ACAD11: variants seen among roughly 807,000 people sequenced by gnomAD.
ACAD11 encodes the protein acyl-Coenzyme A dehydrogenase family, member 11.
ACAD11 carries 83 observed loss-of-function variants against 102.2 expected under a neutral mutation model. The ratio of observed to expected loss-of-function variants is 0.81; its 90% CI spans 0.68 to 0.97. The LOEUF (loss-of-function observed/expected upper bound fraction) is 0.97. Ranked by LOEUF, ACAD11 falls within the 50% of genes least tolerant of loss-of-function variation. ACAD11 has a pLI of 0.00. For synonymous variants in ACAD11, 324 were observed against 319.8 expected (o/e 1.01, Z -0.14); for missense variants, 901 against 951.7 (o/e 0.95, Z 0.70).
chr3:132,615,427 A>G (rs1218687041), intron 11 of ACAD11, among the ~76,000 whole-genome samples: 1 of 152,206 alleles, frequency 6.6e-6, no homozygotes, highest in African/African-American at 2.4e-5. Context: ...ACCCAATCCA[A>G]ATGCCCATCA....
intron 5 of ACAD11, among the ~76,000 whole-genome samples, chr3:132,635,293 A>G (rs1940233357): frequency 2.0e-5 from 3 of 151,956 alleles, no homozygotes; most frequent in South Asian, 2.1e-4. Context: ...TCTGGCTACT[A>G]TGATTTCAAT....
intron 1 of ACAD11, among the ~76,000 whole-genome samples, chr3:132,653,713 C>T (rs1337907720): frequency 6.6e-6 from 1 of 152,174 alleles, no homozygotes; most frequent in Non-Finnish European, 1.5e-5. Context: ...TCCATTAATA[C>T]TACTTTTTCA....
Position 132,642,631 on chromosome 3 carries a change from A to C in ACAD11, c.375+46T>G, listed in dbSNP as rs376198759. The C allele has an allele frequency of 2.6e-6, 4 of 1,525,114 alleles. No homozygotes were observed. The African/African-American group carries it at 5.6e-5, about 21-fold the overall frequency. 94.5% of individuals were successfully genotyped at this position (1,525,114 alleles called of 1,614,324 possible). A position where few individuals can be genotyped will look rare whatever the true frequency, so the allele number is the denominator to read the frequency against. The stretch of plus-strand genomic sequence containing the variant: ...ATAATAAAACATCTTAATTAACTTC[A>C]TAATTAAAAGTAAAAGCAACAAAAT... On this transcript the variant is annotated intron_variant, in intron 3 of 19. Coordinates refer to ENST00000264990, the MANE Select transcript of ACAD11 (RefSeq NM_032169.5).
chr3:132,577,538 T>C (rs1168185683), intron 15 of ACAD11, among the ~76,000 whole-genome samples: 2 of 152,150 alleles, frequency 1.3e-5, no homozygotes, highest in African/African-American at 4.8e-5. Flanking sequence ...GACCTTCAGG[T>C]AGGTTTACTC....
At position 132,609,026 on chromosome 3, in the gene ACAD11, T is replaced by C. The variant is rs566075984; in HGVS notation, c.1415-3821A>G. On this transcript the variant is annotated intron_variant, in intron 11 of 19. Transcript: ENST00000264990. ...ACATCTATATGATAACTGAACAACC[T>C]GCTCCTGAATGACTACTGGGTAAAT... is the stretch of plus-strand genomic sequence containing the variant. Among the ~76,000 whole-genome samples, 7 of 152,282 alleles carry C rather than the reference T, an allele frequency of 4.6e-5. No homozygotes were observed. In the South Asian group the frequency reaches 1.4e-3, roughly 32 times the overall value.
intron 4 of ACAD11, among the ~76,000 whole-genome samples, chr3:132,640,067 T>A (rs1204685626): frequency 1.3e-5 from 2 of 151,196 alleles, no homozygotes; most frequent in East Asian, 3.9e-4. Flanking sequence ...GAGAAATAAG[T>A]AACCCCTGAA....
At chr3:132,563,599 A>T (rs1007080583) in intron 17 of ACAD11, among the ~76,000 whole-genome samples, 1 of 152,196 alleles carries the variant, frequency 6.6e-6, no homozygotes, top group African/African-American at 2.4e-5. Context: ...TATAAAAATA[A>T]AATTGTTACG....
Position 132,574,720 on chromosome 3 carries a change from T to C in ACAD11, c.2001+1052A>G, listed in dbSNP as rs1427014952. Among the ~76,000 whole-genome samples the C allele has an allele frequency of 2.6e-5, 4 of 152,352 alleles. No individual in the cohort carries two copies. The East Asian group carries it at 7.7e-4, about 29-fold the overall frequency. ...AGAGTGAACATTTAATAATAGTTTT[T>C]CTTGCCTTCTTAAAACTTAGAAGGG... is the stretch of plus-strand genomic sequence containing the variant. On this transcript the variant is annotated intron_variant, in intron 17 of 19. Coordinates refer to ENST00000264990, the MANE Select transcript of ACAD11 (RefSeq NM_032169.5).
Position 132,597,295 on chromosome 3 carries a change from A to C in ACAD11, c.1621+5934T>G, listed in dbSNP as rs377247014. ...CATTTGATTTTATACTCTGTACTCA[A>C]GACTGCTCCTCTCTGCCGACTACAA... On this transcript the variant is annotated intron_variant, in intron 13 of 19. Transcript: ENST00000264990. 7.4e-4 allele frequency: 113 copies of C among 152,312 alleles called. 1 individual carries two copies. Among genetic ancestry groups the C allele is most frequent in the African/African-American group, 2.6e-3 (108 of 41,578 alleles). 9.4% of individuals were successfully genotyped at this position (152,312 alleles called of 1,614,324 possible).
intron 17 of ACAD11, among the ~76,000 whole-genome samples, chr3:132,570,263 A>G (rs1448194233): frequency 6.6e-6 from 1 of 152,148 alleles, no homozygotes; most frequent in Admixed American, 6.6e-5. Flanking sequence ...TTGGTTTCCA[A>G]TTCTAAACAC....
intron 19 of ACAD11, 125 bp downstream of exon 19, chr3:132,559,708 A>G (rs924876934): frequency 1.4e-6 from 1 of 692,290 alleles, no homozygotes; most frequent in South Asian, 1.9e-5. Context: ...ATATTAATGT[A>G]TATCACTTCA....
intron 1 of ACAD11, among the ~76,000 whole-genome samples, chr3:132,654,239 G>A (rs1937660417): frequency 1.3e-5 from 2 of 152,204 alleles, no homozygotes. Context: ...ATGTGTTCTG[G>A]AAAATATGTT....
chr3:132,568,721 G>C (rs988366232), intron 17 of ACAD11, among the ~76,000 whole-genome samples: 1 of 140,004 alleles, frequency 7.1e-6, no homozygotes, highest in Non-Finnish European at 1.5e-5. Flanking sequence ...ACTGATTTTT[G>C]AGAAAGGCAC....
chr3:132,622,715 C>T (rs2107852932), intron 9 of ACAD11, among the ~76,000 whole-genome samples: 1 of 152,170 alleles, frequency 6.6e-6, no homozygotes, highest in South Asian at 2.1e-4. Context: ...AGTTAATAGC[C>T]AAAAGCAGAA....
chr3:132,626,857 G>A (rs1406692023), intron 8 of ACAD11, 40 bp from the exon 9 acceptor site: 19 of 1,583,248 alleles, frequency 1.2e-5, no homozygotes, highest in Non-Finnish European at 1.6e-5. Flanking sequence ...TTACAAAGAT[G>A]TCCAAAGATC....
chr3:132,584,254 G>A (rs1225638993), intron 13 of ACAD11, among the ~76,000 whole-genome samples: 1 of 152,150 alleles, frequency 6.6e-6, no homozygotes, highest in East Asian at 1.9e-4. Flanking sequence ...TATATCGGGT[G>A]CATATATATT....
intron 6 of ACAD11, 142 bp from the exon 7 acceptor site, chr3:132,630,700 T>G (rs1403008113): frequency 3.1e-5 from 21 of 687,128 alleles, no homozygotes; most frequent in Non-Finnish European, 4.5e-5. Context: ...AATCTTGATT[T>G]CCAAAAGATT....
rs1936952888 is a variant in ACAD11, at chr3:132,558,692, G to T, written c.*279C>A. 2 of 309,540 alleles carry T rather than the reference G, an allele frequency of 6.5e-6. No homozygotes were observed. Among genetic ancestry groups the T allele is most frequent in the African/African-American group, 4.4e-5 (2 of 45,546 alleles). The allele number at this position is 309,540 out of a possible 1,614,324, so 19.2% of individuals were successfully genotyped here. ...ATTTTTAAATTTTTTGTAGCAATGG[G>T]GGTCTCGCTATGTTGCCCAGGCTGG... On this transcript the variant is annotated 3_prime_UTR_variant, in exon 20 of 20. Coordinates refer to ENST00000264990, the MANE Select transcript of ACAD11 (RefSeq NM_032169.5).
chr3:132,584,846 G>A (rs572041525), intron 13 of ACAD11, among the ~76,000 whole-genome samples: 140 of 152,192 alleles, frequency 9.2e-4, no homozygotes, highest in African/African-American at 3.3e-3. Context: ...AATAAAAGAG[G>A]ATACAAACAA....
Sources: gnomAD v4.1 joint callset for allele counts (sites outside exome capture counted in the v4.1 genomes callset) on GRCh38, gnomAD v4.1.1 for gene constraint, MANE v1.5 for transcripts, NCBI Gene and HGNC (gene_info 2026-07-23, HGNC 2026-07-21) for gene names.